PCOLCE2: variants seen among roughly 807,000 people sequenced by gnomAD.
PCOLCE2 encodes the protein procollagen C-proteinase enhancer 2.
Under a neutral mutation model 47.0 loss-of-function variants are expected in PCOLCE2, and 42 were observed. The observed-to-expected ratio is 0.89, with a 90% CI of 0.70 to 1.16. The LOEUF is 1.16. Ranked by LOEUF, PCOLCE2 falls within the 50% of genes most tolerant of loss-of-function variation. PCOLCE2 has a pLI of 0.00. For synonymous variants in PCOLCE2, 169 were observed against 191.7 expected, an observed-to-expected ratio of 0.88 and a Z score of 0.98; for missense variants, 500 against 526.1, an observed-to-expected ratio of 0.95 and a Z score of 0.49.
chr3:142,859,398 T>C (rs1378812608), intron 2 of PCOLCE2, among the ~76,000 whole-genome samples: 3 of 151,828 alleles, frequency 2.0e-5, no homozygotes, highest in South Asian at 2.1e-4. Flanking sequence ...AATATATATA[T>C]ATATTTTCAA....
rs530710666 is a variant in PCOLCE2, at chr3:142,830,297, G to A, written c.711-451C>T. Among the ~76,000 whole-genome samples the A allele has an allele frequency of 1.3e-4, 20 of 152,292 alleles. No homozygotes were observed. In the South Asian group the frequency reaches 2.5e-3, roughly 19 times the overall value. On this transcript the variant is annotated intron_variant, in intron 5 of 8. Coordinates refer to ENST00000295992, the MANE Select transcript of PCOLCE2 (RefSeq NM_013363.4). Reference sequence around the variant, plus strand: ...GCAGATTCTCTGAACTAAGACTTGCGTTCAAGCTGGCCTGGGTTTGCCATG... The same window carrying A: ...GCAGATTCTCTGAACTAAGACTTGCATTCAAGCTGGCCTGGGTTTGCCATG...
At chr3:142,879,744 C>T (rs925467735) in intron 2 of PCOLCE2, among the ~76,000 whole-genome samples, 10 of 152,172 alleles carry the variant, frequency 6.6e-5, no homozygotes, top group South Asian at 4.1e-4. Context: ...CCGAGGAGGG[C>T]GGATCACGAG....
chr3:142,887,881 T>A, intron 1 of PCOLCE2, 104 bp from the exon 2 acceptor site: 1 of 663,310 alleles, frequency 1.5e-6, no homozygotes, highest in Non-Finnish European at 2.6e-6. Flanking sequence ...TAAAAGTTAA[T>A]GTTGATTAAT....
At position 142,821,073 on chromosome 3, in the gene PCOLCE2, G is replaced by A. The variant is rs183955817; in HGVS notation, c.950-28C>T. 2.0e-4 allele frequency: 316 copies of A among 1,555,110 alleles called. 1 individual carries two copies. In the African/African-American group the frequency reaches 3.6e-3, roughly 18 times the overall value. ...GCAGAAGAAAACATTTTGAAGTGAT[G>A]TGACAGTGAAGGCAAATGCAAGCAG... On this transcript the variant is annotated intron_variant, in intron 7 of 8. Transcript: ENST00000295992.
intron 2 of PCOLCE2, among the ~76,000 whole-genome samples, chr3:142,875,663 A>T (rs1176838374): frequency 1.3e-5 from 2 of 152,160 alleles, no homozygotes; most frequent in Non-Finnish European, 2.9e-5. Context: ...TGTTCTTAAG[A>T]TTCCCCACAA....
At chr3:142,822,935 T>G (rs555339354) in intron 7 of PCOLCE2, among the ~76,000 whole-genome samples, 2 of 152,236 alleles carry the variant, frequency 1.3e-5, no homozygotes, top group East Asian at 3.9e-4. Flanking sequence ...AGATAAAATG[T>G]TGTATCTTTT....
intron 2 of PCOLCE2, among the ~76,000 whole-genome samples, chr3:142,876,178 A>C (rs1381418346): frequency 6.6e-6 from 1 of 152,238 alleles, no homozygotes; most frequent in African/African-American, 2.4e-5. Context: ...GAATGTAAGC[A>C]CCATTAGTGC....
In PCOLCE2 at chr3:142,823,557, C is replaced by T; in HGVS notation, c.924G>A (p.Glu308=). The change falls in exon 7 of 9, where the codon GAG becomes GAA. Residue 308 remains glutamate, a synonymous_variant. Transcript: ENST00000295992. Reference sequence around the variant, plus strand: ...CAAAGTCACTTGAACAATAATTGCCCTCCAGAGTCCCCGTCCGTCTACACT... The same window carrying T: ...CAAAGTCACTTGAACAATAATTGCCTTCCAGAGTCCCCGTCCGTCTACACT... ...QQKCRRTGTL[E]GNYCSSDFVL... 6.2e-7 allele frequency: 1 copy of T among 1,610,084 alleles called. No individual in the cohort carries two copies. Among genetic ancestry groups the T allele is most frequent in the Non-Finnish European group, 8.5e-7 (1 of 1,176,632 alleles).
chr3:142,849,332 C>A (rs1937365465), intron 2 of PCOLCE2, among the ~76,000 whole-genome samples: 2 of 152,140 alleles, frequency 1.3e-5, no homozygotes, highest in Non-Finnish European at 2.9e-5. Context: ...ACTAAATGAA[C>A]TGAGTAATTG....
At chr3:142,828,430 G>A (rs1937109883) in intron 6 of PCOLCE2, among the ~76,000 whole-genome samples, 3 of 152,120 alleles carry the variant, frequency 2.0e-5, no homozygotes, top group Admixed American at 2.0e-4. Flanking sequence ...TGCTCACAGT[G>A]GCTGCCATAT....
chr3:142,887,555 C>T, intron 2 of PCOLCE2, 114 bp downstream of exon 2: 1 of 643,644 alleles, frequency 1.6e-6, no homozygotes, highest in Non-Finnish European at 2.8e-6. Flanking sequence ...CAACATTTCA[C>T]TATTTCAGGC....
rs1355569301 is a variant in PCOLCE2 at position 142,818,152 on chromosome 3, A to G, written c.*183T>C. The G allele has an allele frequency of 1.2e-5, 6 of 517,894 alleles. No individual in the cohort carries two copies. The highest frequency in any genetic ancestry group is 2.0e-5 in the Non-Finnish European group (6 of 296,374). The allele number at this position is 517,894 out of a possible 1,614,324, so 32.1% of individuals were successfully genotyped here. ...GATAGCTGCTCCTCTGACAGCAGGCAAAGAACTTCCCTCAGCTATCTCGGA... is the reference window on the plus strand; with the variant it reads ...GATAGCTGCTCCTCTGACAGCAGGCGAAGAACTTCCCTCAGCTATCTCGGA... On this transcript the variant is annotated 3_prime_UTR_variant, in exon 9 of 9. Coordinates refer to ENST00000295992, the MANE Select transcript of PCOLCE2 (RefSeq NM_013363.4).
rs1319237061 is a variant in PCOLCE2, at chr3:142,842,349, T to C, written c.573+575A>G. 6.6e-6 allele frequency among the ~76,000 whole-genome samples: 1 copy of C among 152,194 alleles called. No homozygotes were observed. Among genetic ancestry groups the C allele is most frequent in the Non-Finnish European group, 1.5e-5 (1 of 68,042 alleles). On this transcript the variant is annotated intron_variant, in intron 4 of 8. Coordinates refer to ENST00000295992, the MANE Select transcript of PCOLCE2 (RefSeq NM_013363.4). The surrounding 1 kb of genome is among the most constrained non-coding windows in gnomAD (Gnocchi z 4.1). The stretch of plus-strand genomic sequence containing the variant: ...TCCACTGCAGGGTTAAACAATCCTA[T>C]GTGAGATCTGCTTACCATTTGTATT...
chr3:142,888,555 G>C (rs1271545335), intron 1 of PCOLCE2: 1 of 390,112 alleles, frequency 2.6e-6, no homozygotes, highest in Non-Finnish European at 4.6e-6. Flanking sequence ...GCCCCGCCAC[G>C]TGGTGGCCAA....
chr3:142,888,953 C>T lies in PCOLCE2; in HGVS notation c.-57G>A, dbSNP rs1933772319. 3.0e-6 allele frequency: 2 copies of T among 677,428 alleles called. No homozygotes were observed. Among genetic ancestry groups the T allele is most frequent in the South Asian group, 5.7e-5 (2 of 34,826 alleles). 42.0% of individuals were successfully genotyped at this position (677,428 alleles called of 1,614,324 possible). A position where few individuals can be genotyped will look rare whatever the true frequency, so the allele number is the denominator to read the frequency against. On this transcript the variant is annotated 5_prime_UTR_variant, in exon 1 of 9. Transcript: ENST00000295992. ...CGGCGCGCGCGCCGGCACACACGCC[C>T]CTCCGCACCCACCGCGCTCACACCG...
At position 142,888,855 on chromosome 3, in the gene PCOLCE2, C is replaced by G; in HGVS notation, c.42G>C (p.Leu14=). Reference sequence around the variant, plus strand: ...GCCGCGAGAGCTGGGTGGCGGCAGCCAGCAGCAGGCAGAGTGGCGCCCAGG... The same window carrying G: ...GCCGCGAGAGCTGGGTGGCGGCAGCGAGCAGCAGGCAGAGTGGCGCCCAGG... ...ANAWAPLCLL[L]AAATQLSRQQ... is the part of the protein sequence containing the mutation. Residue 14 remains leucine, a synonymous_variant, in exon 1 of 9, where the codon CTG becomes CTC. Transcript: ENST00000295992. The G allele has an allele frequency of 1.3e-6, 2 of 1,548,510 alleles. No homozygotes were observed. The highest frequency in any genetic ancestry group is 1.7e-6 in the Non-Finnish European group (2 of 1,150,046).
chr3:142,839,408 G>T (rs1480928822), intron 4 of PCOLCE2, among the ~76,000 whole-genome samples: 3 of 152,082 alleles, frequency 2.0e-5, no homozygotes, highest in African/African-American at 7.2e-5. Context: ...TGCCTCCCGG[G>T]TTCAAGCAAT....
chr3:142,878,430 G>A (rs1029404439), intron 2 of PCOLCE2, among the ~76,000 whole-genome samples: 6 of 152,162 alleles, frequency 3.9e-5, no homozygotes, highest in Non-Finnish European at 8.8e-5. Context: ...TATTGCCACC[G>A]TTGATAAAGC....
chr3:142,867,172 T>C (rs949363759), intron 2 of PCOLCE2, among the ~76,000 whole-genome samples: 2 of 152,188 alleles, frequency 1.3e-5, no homozygotes, highest in African/African-American at 2.4e-5. Flanking sequence ...TTCCACCATA[T>C]GTGGCAGTTA....
Sources: allele counts gnomAD v4.1 joint callset (sites outside exome capture counted in the v4.1 genomes callset), GRCh38; gene constraint gnomAD v4.1.1; non-coding constraint Gnocchi (gnomAD v3.1); transcripts MANE v1.5; gene names NCBI Gene and HGNC (gene_info 2026-07-23, HGNC 2026-07-21).